The following CNTN3 variants were observed in gnomAD, a reference collection of about 807,000 sequenced individuals.
CNTN3 encodes contactin-3.
In CNTN3, 60 loss-of-function variants were observed where a neutral mutation model predicts 119.1. The ratio of observed to expected loss-of-function variants is 0.50; its 90% CI spans 0.41 to 0.62. CNTN3 has a LOEUF of 0.62. CNTN3 is among the 20% of genes least tolerant of loss of function. The probability of loss-of-function intolerance (pLI) is 0.00; values close to 1 mark genes in which losing one functional copy is unlikely to be tolerated. For synonymous variants in CNTN3, 450 were observed against 438.7 expected, an observed-to-expected ratio of 1.03 and a Z score of -0.32; for missense variants, 1,101 against 1,242.4, an observed-to-expected ratio of 0.89 and a Z score of 1.71.
chr3:74,417,078 C>G (rs1701535685), intron 5 of CNTN3, among the ~76,000 whole-genome samples: 1 of 152,026 alleles, frequency 6.6e-6, no homozygotes, highest in Admixed American at 6.6e-5. Context: ...TGCTCTGAGC[C>G]TTGGCTTGTC....
intron 5 of CNTN3, among the ~76,000 whole-genome samples, chr3:74,419,886 T>A (rs997281737): frequency 6.6e-6 from 1 of 152,180 alleles, no homozygotes; most frequent in Non-Finnish European, 1.5e-5. Flanking sequence ...ATTTTTCTCG[T>A]GTATTTCAAT....
intron 20 of CNTN3, among the ~76,000 whole-genome samples, chr3:74,275,941 C>T (rs1007231717): frequency 6.6e-5 from 10 of 151,856 alleles, no homozygotes; most frequent in Admixed American, 6.6e-4. Context: ...AAGTAAAGGG[C>T]TGGAAAAAGG....
intron 4 of CNTN3, among the ~76,000 whole-genome samples, chr3:74,427,061 C>T (rs924306748): frequency 3.3e-5 from 5 of 152,158 alleles, no homozygotes; most frequent in African/African-American, 1.2e-4. Context: ...ATCTCTTTTG[C>T]CTAAGCACAA....
intron 1 of CNTN3, among the ~76,000 whole-genome samples, chr3:74,534,863 C>A (rs1421631286): frequency 6.6e-6 from 1 of 151,674 alleles, no homozygotes; most frequent in Non-Finnish European, 1.5e-5. Flanking sequence ...TACTTTTGCA[C>A]CAACCTAAAT....
intron 1 of CNTN3, among the ~76,000 whole-genome samples, chr3:74,588,257 C>G (rs561939127): frequency 1.9e-3 from 285 of 152,098 alleles, no homozygotes; most frequent in African/African-American, 6.1e-3. Context: ...CTTCAGCAAA[C>G]TCTCAGGATA....
intron 4 of CNTN3, among the ~76,000 whole-genome samples, chr3:74,427,245 T>C (rs1216523622): frequency 6.6e-6 from 1 of 152,116 alleles, no homozygotes; most frequent in Non-Finnish European, 1.5e-5. Flanking sequence ...AAGTGGCACT[T>C]TGCTGAAAAG....
intron 1 of CNTN3, among the ~76,000 whole-genome samples, chr3:74,602,682 T>G (rs917579610): frequency 6.6e-6 from 1 of 152,094 alleles, no homozygotes; most frequent in Non-Finnish European, 1.5e-5. Context: ...GAGTATATTT[T>G]GTGTGTATGA....
intron 4 of CNTN3, among the ~76,000 whole-genome samples, chr3:74,457,593 T>C (rs1459909456): frequency 7.3e-6 from 1 of 137,394 alleles, no homozygotes; most frequent in Non-Finnish European, 1.6e-5. Flanking sequence ...TCATTTCTAC[T>C]ACACTTTCAA....
rs139733630 is a variant in CNTN3, at chr3:74,552,875, G to A, written c.-80-31683C>T. On this transcript the variant is annotated intron_variant, in intron 1 of 22. Transcript: ENST00000263665. ...AGGTGCCTGCTTCCACTTCTGCCAC[G>A]ATTGGAAGTTTCCTGAGTCCCCCCA... Among the ~76,000 whole-genome samples the A allele has an allele frequency of 3.8e-3, 574 of 152,178 alleles. 1 individual carries two copies. Among genetic ancestry groups the A allele is most frequent in the African/African-American group, 0.013 (546 of 41,494 alleles).
At chr3:74,493,521 T>TAGC (rs1436263937) in intron 3 of CNTN3, among the ~76,000 whole-genome samples, 1 of 152,008 alleles carries the variant, frequency 6.6e-6, no homozygotes. Context: ...CAAAATAACT[T>TAGC]ACGAAAATTT....
intron 1 of CNTN3, among the ~76,000 whole-genome samples, chr3:74,526,666 G>A (rs896226169): frequency 4.6e-5 from 7 of 151,814 alleles, no homozygotes; most frequent in Non-Finnish European, 7.4e-5. Flanking sequence ...CAGCAAAGAA[G>A]GAAGGATATC....
intron 1 of CNTN3, among the ~76,000 whole-genome samples, chr3:74,591,592 C>T (rs1347183050): frequency 1.3e-5 from 2 of 151,674 alleles, no homozygotes; most frequent in Non-Finnish European, 2.9e-5. Flanking sequence ...AGCGGGGAAA[C>T]AGCTGGCAAG....
chr3:74,331,621 C>T (rs1330880251), intron 13 of CNTN3, among the ~76,000 whole-genome samples: 1 of 152,180 alleles, frequency 6.6e-6, no homozygotes, highest in East Asian at 1.9e-4. Context: ...AAATCCACCT[C>T]TTCCGAAACT....
chr3:74,380,095 C>T (rs997285203), intron 5 of CNTN3, among the ~76,000 whole-genome samples: 9 of 152,158 alleles, frequency 5.9e-5, no homozygotes, highest in Non-Finnish European at 1.0e-4. Context: ...TCAGATAGAA[C>T]GAACTGGGAA....
intron 4 of CNTN3, among the ~76,000 whole-genome samples, chr3:74,468,192 C>T (rs558873298): frequency 1.7e-4 from 26 of 152,242 alleles, no homozygotes; most frequent in South Asian, 1.2e-3. Context: ...TCAACATTTT[C>T]CCTTTGATCC....
rs370928557 is a variant in CNTN3, at chr3:74,486,634, G to A, written c.183-3C>T. 143 of 1,520,994 alleles carry A rather than the reference G, an allele frequency of 9.4e-5. 1 individual carries two copies. Among genetic ancestry groups the A allele is most frequent in the Non-Finnish European group, 1.2e-4 (132 of 1,140,798 alleles). 94.2% of individuals were successfully genotyped at this position (1,520,994 alleles called of 1,614,324 possible). Reference sequence around the variant, plus strand: ...TATCACTTCCATTCAGCTGCCATCTGTAAAACAAATATCAAGGTTCCCCCC... The same window carrying A: ...TATCACTTCCATTCAGCTGCCATCTATAAAACAAATATCAAGGTTCCCCCC... On this transcript the variant is annotated splice_region_variant and splice_polypyrimidine_tract_variant and intron_variant, in intron 3 of 22. Transcript: ENST00000263665.
At chr3:74,446,396 A>G (rs780772551) in intron 4 of CNTN3, among the ~76,000 whole-genome samples, 1 of 152,154 alleles carries the variant, frequency 6.6e-6, no homozygotes, top group Non-Finnish European at 1.5e-5. Flanking sequence ...GGAATAGCTT[A>G]CAATATAATT....
At chr3:74,369,052 CAT>C in intron 8 of CNTN3, 135 bp downstream of exon 8, 1 of 529,176 alleles carries the variant, frequency 1.9e-6, no homozygotes, top group South Asian at 6.2e-5. Context: ...CAATGTTTAT[CAT>C]CACTTAACAA....
intron 4 of CNTN3, among the ~76,000 whole-genome samples, chr3:74,440,483 CAA>C (rs57947790): frequency 9.9e-5 from 14 of 141,890 alleles, no homozygotes; most frequent in African/African-American, 3.1e-4. Context: ...AAGCAAATAG[CAA>C]AAAAAAAAAA....
Sources: allele counts gnomAD v4.1 joint callset (sites outside exome capture counted in the v4.1 genomes callset), GRCh38; gene constraint gnomAD v4.1.1; transcripts MANE v1.5; gene names NCBI Gene and HGNC (gene_info 2026-07-23, HGNC 2026-07-21).